Variants in ARHGAP24 observed in about 807,000 individuals in gnomAD.
ARHGAP24 encodes the protein rho GTPase-activating protein 24.
A neutral mutation model predicts 76.4 loss-of-function variants in ARHGAP24; 50 were observed. The observed-to-expected ratio is 0.65, with a 90% CI of 0.52 to 0.83. ARHGAP24 has a LOEUF of 0.83. Ranked by LOEUF, ARHGAP24 falls within the 40% of genes least tolerant of loss-of-function variation. The pLI is 0.00. For missense variants in ARHGAP24, 930 were observed against 914.2 expected (o/e 1.02, Z -0.22); for synonymous variants, 345 against 323.3 (o/e 1.07, Z -0.72).
intron 2 of ARHGAP24, among the ~76,000 whole-genome samples, chr4:85,692,477 G>C (rs1723702008): frequency 2.0e-5 from 3 of 151,868 alleles, no homozygotes; most frequent in Admixed American, 6.6e-5. Context: ...CCATAGATTT[G>C]GTCTTTTTGT....
intron 5 of ARHGAP24, among the ~76,000 whole-genome samples, chr4:85,965,597 C>CCTTT (rs70948772): frequency 0.21 from 32,174 of 149,874 alleles, 3,618 homozygotes; most frequent in South Asian, 0.39. Flanking sequence ...GGAATTCCCT[C>CCTTT]CTTTGGAATT....
chr4:85,994,813 A>T lies in ARHGAP24; in HGVS notation c.1159A>T (p.Met387Leu), dbSNP rs1463052464. 6.2e-7 allele frequency: 1 copy of T among 1,614,188 alleles called. No homozygotes were observed. Among genetic ancestry groups the T allele is most frequent in the Admixed American group, 1.7e-5 (1 of 60,022 alleles). ...GTCTGAGTCACCCCAGAGAAGCAGC[A>T]TGAACAATGGATCCCCCACAGCTCT... ...DKSESPQRSS[M>L]NNGSPTALSG... is the part of the protein sequence containing the mutation. Residue 387 changes from methionine to leucine, a missense_variant, in exon 9 of 10, where the codon ATG (methionine) becomes TTG (leucine). Met to Leu is a conservative substitution (Grantham distance 15). Transcript: ENST00000395184.
intron 1 of ARHGAP24, among the ~76,000 whole-genome samples, chr4:85,494,545 C>T (rs887929555): frequency 2.0e-5 from 3 of 151,432 alleles, no homozygotes; most frequent in African/African-American, 4.9e-5. Context: ...ATTAGCTGGG[C>T]GTGGTGGAGC....
chr4:85,517,003 T>C (rs889790253), intron 1 of ARHGAP24, among the ~76,000 whole-genome samples: 1 of 152,210 alleles, frequency 6.6e-6, no homozygotes, highest in Non-Finnish European at 1.5e-5. Context: ...CTTTCCAGTT[T>C]CCCCAACCTC....
At chr4:85,933,718 G>T (rs558456364) in intron 4 of ARHGAP24, among the ~76,000 whole-genome samples, 1 of 152,128 alleles carries the variant, frequency 6.6e-6, no homozygotes, top group African/African-American at 2.4e-5. Flanking sequence ...CAGTGTAACC[G>T]ATCCCTTGAT....
intron 3 of ARHGAP24, among the ~76,000 whole-genome samples, chr4:85,805,882 G>T (rs1728769353): frequency 1.3e-5 from 2 of 152,088 alleles, no homozygotes. Context: ...TGTAAATCAG[G>T]ATCGTCTCTC....
intron 3 of ARHGAP24, among the ~76,000 whole-genome samples, chr4:85,909,077 G>GACTAT (rs891144584): frequency 6.6e-6 from 1 of 152,094 alleles, no homozygotes; most frequent in Admixed American, 6.6e-5. Flanking sequence ...CAGCTTAACT[G>GACTAT]ACTATACTTC....
intron 3 of ARHGAP24, among the ~76,000 whole-genome samples, chr4:85,860,782 C>A (rs1017578332): frequency 4.6e-5 from 7 of 151,894 alleles, no homozygotes; most frequent in African/African-American, 1.7e-4. Context: ...AATGATTCAT[C>A]ATAGTCACTT....
intron 3 of ARHGAP24, among the ~76,000 whole-genome samples, chr4:85,787,109 G>A (rs990153381): frequency 1.3e-5 from 2 of 152,176 alleles, no homozygotes; most frequent in African/African-American, 2.4e-5. Context: ...TACAAATGTG[G>A]ACATATCCTC....
intron 5 of ARHGAP24, among the ~76,000 whole-genome samples, chr4:85,965,750 C>T (rs915889604): frequency 2.6e-5 from 4 of 152,168 alleles, no homozygotes; most frequent in Non-Finnish European, 5.9e-5. Flanking sequence ...AAAAAGTTTT[C>T]AGGTAATTCC....
At chr4:85,987,423 A>G (rs1005389624) in intron 8 of ARHGAP24, among the ~76,000 whole-genome samples, 15 of 152,108 alleles carry the variant, frequency 9.9e-5, no homozygotes, top group African/African-American at 3.4e-4. Flanking sequence ...TTTTCCATAC[A>G]ACTAAAAACT....
rs557575813 is a variant in ARHGAP24, at chr4:85,656,698, C to G, written c.181-65187C>G. On this transcript the variant is annotated intron_variant, in intron 2 of 9. Transcript: ENST00000395184. Reference sequence around the variant, plus strand: ...GGCCAGGATGGTCTCGATCTCCTGACCTCGTGATCCACCCGCCTCAGCCTC... The same window carrying G: ...GGCCAGGATGGTCTCGATCTCCTGAGCTCGTGATCCACCCGCCTCAGCCTC... 4.6e-4 allele frequency among the ~76,000 whole-genome samples: 70 copies of G among 152,168 alleles called. 1 individual carries two copies. Among genetic ancestry groups the G allele is most frequent in the Non-Finnish European group, 9.0e-4 (61 of 68,002 alleles).
At chr4:85,837,146 A>T (rs1161612626) in intron 3 of ARHGAP24, among the ~76,000 whole-genome samples, 2 of 152,244 alleles carry the variant, frequency 1.3e-5, no homozygotes, top group Non-Finnish European at 2.9e-5. Flanking sequence ...CCCTTGCTGT[A>T]GAGCATCCCT....
At chr4:85,588,747 A>G (rs1478625691) in intron 2 of ARHGAP24, among the ~76,000 whole-genome samples, 2 of 152,218 alleles carry the variant, frequency 1.3e-5, no homozygotes, top group Non-Finnish European at 1.5e-5. Flanking sequence ...GTTTAAAATA[A>G]ACAAAATTTT....
chr4:85,583,417 C>G (rs556520646), intron 2 of ARHGAP24, among the ~76,000 whole-genome samples: 4 of 151,944 alleles, frequency 2.6e-5, no homozygotes, highest in Non-Finnish European at 5.9e-5. Context: ...GATCAAGAGA[C>G]AGAACTTCAG....
chr4:85,494,921 A>G (rs765861989), intron 1 of ARHGAP24, among the ~76,000 whole-genome samples: 4 of 151,648 alleles, frequency 2.6e-5, no homozygotes, highest in Non-Finnish European at 5.9e-5. Flanking sequence ...ACATAGTGAA[A>G]CTCCGTCTCT....
chr4:85,873,537 G>C (rs973803721), intron 3 of ARHGAP24, among the ~76,000 whole-genome samples: 1 of 152,138 alleles, frequency 6.6e-6, no homozygotes, highest in Non-Finnish European at 1.5e-5. Flanking sequence ...GAGCTCATAC[G>C]GTAGTAGAGG....
intron 2 of ARHGAP24, among the ~76,000 whole-genome samples, chr4:85,612,792 C>CTTTTTTTTTTTTT (rs70948739): frequency 8.5e-5 from 7 of 82,774 alleles, no homozygotes; most frequent in East Asian, 4.4e-4. Flanking sequence ...CTTTCCATTC[C>CTTTTTTTTTTTTT]TTTTTTTTTT....
intron 5 of ARHGAP24, 93 bp downstream of exon 5, chr4:85,942,366 T>A: frequency 7.2e-7 from 1 of 1,390,408 alleles, no homozygotes; most frequent in Non-Finnish European, 1.0e-6. Flanking sequence ...CCTTGATTGA[T>A]GTGGTAACAG....
Sources: gnomAD v4.1 joint callset for allele counts (sites outside exome capture counted in the v4.1 genomes callset) on GRCh38, gnomAD v4.1.1 for gene constraint, MANE v1.5 for transcripts, NCBI Gene and HGNC (gene_info 2026-07-23, HGNC 2026-07-21) for gene names.